Variants in MICAL2 observed in about 807,000 individuals in gnomAD.
The protein encoded by MICAL2 is [F-actin]-monooxygenase MICAL2.
A neutral mutation model predicts 127.3 loss-of-function variants in MICAL2; 77 were observed. The observed-to-expected ratio is 0.60, with a 90% confidence interval of 0.50 to 0.73. The LOEUF is 0.73. Ranked by LOEUF, MICAL2 falls within the 30% of genes least tolerant of loss-of-function variation. MICAL2 has a pLI of 0.00. For synonymous variants in MICAL2, 570 were observed against 551.1 expected (o/e 1.03, Z -0.48); for missense variants, 1,351 against 1,434.4 (o/e 0.94, Z 0.94).
In MICAL2 at chr11:12,203,631, G is replaced by A. The variant is rs374769135; in HGVS notation, c.265-619G>A. Among the ~76,000 whole-genome samples, 13 of 152,212 alleles carry A rather than the reference G, an allele frequency of 8.5e-5. No homozygotes were observed. In the East Asian group the frequency reaches 2.1e-3, roughly 25 times the overall value. On this transcript the variant is annotated intron_variant, in intron 3 of 27. Coordinates refer to ENST00000683283, the MANE Select transcript of MICAL2 (RefSeq NM_001282663.2). ...CTATTTGTATTTTTATTATTGAGTT[G>A]TGAACATCCTTTATATGTTTTGGAT...
chr11:12,120,561 G>C (rs1011770847), intron 1 of MICAL2, among the ~76,000 whole-genome samples: 1 of 152,212 alleles, frequency 6.6e-6, no homozygotes, highest in Non-Finnish European at 1.5e-5. Flanking sequence ...CCCACAGTAG[G>C]GGGGAACCAG....
chr11:12,336,461 T>C (rs1938762692), intron 32 of MICAL2, among the ~76,000 whole-genome samples: 1 of 152,214 alleles, frequency 6.6e-6, no homozygotes, highest in African/African-American at 2.4e-5. Flanking sequence ...TCCTGCCTGA[T>C]TGCCCTGACC....
intron 2 of MICAL2, among the ~76,000 whole-genome samples, chr11:12,151,195 G>A (rs1034545173): frequency 1.3e-5 from 2 of 152,214 alleles, no homozygotes; most frequent in South Asian, 2.1e-4. Flanking sequence ...TTGCAAATAG[G>A]GAAAGGATGT....
downstream of MICAL2, among the ~76,000 whole-genome samples, chr11:12,290,940 G>A (rs1397601334): frequency 6.6e-6 from 1 of 152,204 alleles, no homozygotes. Context: ...GGTCCCTGAG[G>A]AAGAGCTTTT....
intron 1 of MICAL2, chr11:12,276,756 ACT>A (rs1863726391): frequency 2.0e-5 from 3 of 152,064 alleles, no homozygotes; most frequent in South Asian, 2.1e-4. Flanking sequence ...TATTTACTAG[ACT>A]CTGAGGAAAT....
intron 1 of MICAL2, among the ~76,000 whole-genome samples, chr11:12,133,029 G>T (rs915566111): frequency 6.6e-6 from 1 of 152,066 alleles, no homozygotes; most frequent in African/African-American, 2.4e-5. Flanking sequence ...AGCATATTTT[G>T]GTTCTTAGTT....
chr11:12,165,800 CAG>C (rs1855441969), intron 3 of MICAL2, among the ~76,000 whole-genome samples: 2 of 152,226 alleles, frequency 1.3e-5, no homozygotes, highest in Non-Finnish European at 2.9e-5. Flanking sequence ...ATGGAGGTGT[CAG>C]GGGACAAGCA....
chr11:12,171,354 G>A (rs1184662644), intron 3 of MICAL2, among the ~76,000 whole-genome samples: 2 of 152,192 alleles, frequency 1.3e-5, no homozygotes, highest in African/African-American at 2.4e-5. Context: ...AAACCATGAA[G>A]CAGTTTAACG....
rs550080266 is a variant in MICAL2 at position 12,258,500 on chromosome 11, T to C, written c.3175T>C (p.Cys1059Arg). 3.1e-6 allele frequency: 5 copies of C among 1,614,220 alleles called. No homozygotes were observed. The South Asian group carries it at 3.3e-5, about 11-fold the overall frequency. The change falls in exon 25 of 28, where the codon TGT becomes CGT. Residue 1059 changes from cysteine (C) to arginine (R), a missense_variant. Cys to Arg is a radical substitution (Grantham distance 180, BLOSUM62 -3). Around this residue, in one of 2 missense-constraint regions of MICAL2, gnomAD observed 752 missense variants for 719.4 expected, o/e 1.05. Coordinates refer to ENST00000683283, the MANE Select transcript of MICAL2 (RefSeq NM_001282663.2). ...TTACTGCAAGCCTCACTTCATTCAC[T>C]GTAAAACCAATAGCAAACAACGGAA... ...KFYCKPHFIH[C>R]KTNSKQRKRR...
intron 33 of MICAL2, among the ~76,000 whole-genome samples, chr11:12,350,096 CATT>C (rs1939022260): frequency 6.6e-6 from 1 of 152,184 alleles, no homozygotes; most frequent in South Asian, 2.1e-4. Flanking sequence ...ATCATGCTGG[CATT>C]AGTGCAAAGA....
chr11:12,314,049 T>G (rs1323414628), intron 29 of MICAL2, among the ~76,000 whole-genome samples: 1 of 150,312 alleles, frequency 6.7e-6, no homozygotes, highest in African/African-American at 2.4e-5. Flanking sequence ...TCTTTTACTT[T>G]AATGTTACTG....
intron 3 of MICAL2, among the ~76,000 whole-genome samples, chr11:12,201,328 T>A (rs942972972): frequency 1.3e-5 from 2 of 152,022 alleles, no homozygotes; most frequent in Non-Finnish European, 2.9e-5. Flanking sequence ...TTGTTTGCAC[T>A]GTCCCTTTGG....
chr11:12,209,255 A>G (rs1855130938), intron 5 of MICAL2, among the ~76,000 whole-genome samples: 1 of 152,210 alleles, frequency 6.6e-6, no homozygotes, highest in South Asian at 2.1e-4. Flanking sequence ...GCGGAGGCCA[A>G]CAAAACCAGG....
At chr11:12,355,744 G>A (rs775463592) in intron 34 of MICAL2, among the ~76,000 whole-genome samples, 6 of 152,192 alleles carry the variant, frequency 3.9e-5, no homozygotes, top group Non-Finnish European at 8.8e-5. Context: ...CAAGGTGAAT[G>A]GTAGGGCTAA....
rs536599897 is a variant in MICAL2 at position 12,277,617 on chromosome 11, G to A, written c.87+1451G>A. ...AGTGTGTCTGGGCTAAGAGAAGGTCGGTGCGGCAGGTACACCCTGAGTGGG... is the reference window on the plus strand; with the variant it reads ...AGTGTGTCTGGGCTAAGAGAAGGTCAGTGCGGCAGGTACACCCTGAGTGGG... On this transcript the variant is annotated intron_variant, in intron 1 of 2. Coordinates refer to the MICAL2 transcript ENST00000529028. 5.9e-5 allele frequency among the ~76,000 whole-genome samples: 9 copies of A among 152,264 alleles called. No homozygotes were observed. The South Asian group carries it at 1.2e-3, about 21-fold the overall frequency.
rs746373950 is a variant in MICAL2, at chr11:12,242,716, A to T, written c.2602A>T (p.Ile868Phe). 43 of 1,612,678 alleles carry T rather than the reference A, an allele frequency of 2.7e-5. No homozygotes were observed. In the Admixed American group the frequency reaches 7.2e-4, roughly 27 times the overall value. The change falls in exon 20 of 28, where the codon ATT becomes TTT. Residue 868 changes from isoleucine (I) to phenylalanine (F), a missense_variant. By Grantham distance (21) the Ile-to-Phe change is conservative. Coordinates refer to ENST00000683283, the MANE Select transcript of MICAL2 (RefSeq NM_001282663.2). ...LANREFHTKN[I>F]KEKAAHLASM... ...CAACAGGGAATTTCACACAAAGAAC[A>T]TTAAGGAGAAGGCGGCTCACCTTGC...
rs1339667909 is a variant in MICAL2 at position 12,216,426 on chromosome 11, G to T, written c.948+107G>T. The stretch of plus-strand genomic sequence containing the variant: ...GCCAGAAACTGAGCGAGGGGAGGAG[G>T]GGGGAAGGTGCCACCAGCTTACACC... On this transcript the variant is annotated intron_variant, in intron 8 of 27. Transcript: ENST00000683283. 1.3e-5 allele frequency: 11 copies of T among 833,914 alleles called. No individual in the cohort carries two copies. The East Asian group carries it at 2.6e-4, about 20-fold the overall frequency. The allele number at this position is 833,914 out of a possible 1,614,324, so 51.7% of individuals were successfully genotyped here.
downstream of MICAL2, among the ~76,000 whole-genome samples, chr11:12,288,682 A>G (rs1407840727): frequency 6.6e-6 from 1 of 152,200 alleles, no homozygotes; most frequent in Non-Finnish European, 1.5e-5. Context: ...TTGTTTGCTG[A>G]ATCAATGAAT....
At chr11:12,289,364 G>A (rs12276778), downstream of MICAL2, among the ~76,000 whole-genome samples, 10,073 of 152,308 alleles carry the variant, frequency 0.066, 734 homozygotes, top group African/African-American at 0.18. Flanking sequence ...TGGCCAATGA[G>A]GAGCTCTTGG....
Sources: gnomAD v4.1 joint callset for allele counts (sites outside exome capture counted in the v4.1 genomes callset) on GRCh38, gnomAD v4.1.1 for gene constraint, gnomAD v4.1.1 regional missense constraint, MANE v1.5 for transcripts, NCBI Gene and HGNC (gene_info 2026-07-23, HGNC 2026-07-21) for gene names.